Variants in DDX19B observed in about 807,000 individuals in gnomAD.
The protein encoded by DDX19B is DEAD-box helicase 19B.
Under a neutral mutation model 58.1 loss-of-function variants are expected in DDX19B, and 27 were observed. The observed-to-expected ratio is 0.46, with a 90% CI of 0.34 to 0.64. DDX19B has a LOEUF of 0.64. Among genes scored for constraint, DDX19B ranks in the 30% least tolerant of loss-of-function variants. DDX19B has a pLI of 0.01. For synonymous variants in DDX19B, 187 were observed against 214.4 expected, an observed-to-expected ratio of 0.87 and a Z score of 1.12; for missense variants, 399 against 596.5, an observed-to-expected ratio of 0.67 and a Z score of 3.45.
chr16:70,321,832 G>A (rs201622927), intron 5 of DDX19B, among the ~76,000 whole-genome samples: 6 of 151,812 alleles, frequency 4.0e-5, no homozygotes, highest in South Asian at 2.1e-4. Context: ...TCAGGAGTTC[G>A]AGACCAGGCT....
chr16:70,327,523 ACT>A (rs1416754914), intron 7 of DDX19B, among the ~76,000 whole-genome samples: 3 of 151,512 alleles, frequency 2.0e-5, no homozygotes, highest in African/African-American at 7.3e-5. Flanking sequence ...ATAGAGCAAG[ACT>A]CTGTCTCAAA....
upstream of DDX19B, chr16:70,298,973 G>A: frequency 2.6e-6 from 1 of 378,996 alleles, no homozygotes; most frequent in Admixed American, 4.5e-5. Context: ...CACTGTGTTG[G>A]GCGGGAATCT....
intron 9 of DDX19B, 146 bp from the exon 10 acceptor site, chr16:70,331,576 C>G: frequency 9.1e-7 from 1 of 1,099,396 alleles, no homozygotes; most frequent in Non-Finnish European, 1.3e-6. Context: ...TACTACCATG[C>G]TTCATTGAGA....
At chr16:70,306,911 A>G (rs1961786030) in intron 1 of DDX19B, among the ~76,000 whole-genome samples, 1 of 152,190 alleles carries the variant, frequency 6.6e-6, no homozygotes, top group Admixed American at 6.6e-5. Flanking sequence ...GCAATCACTA[A>G]TCTACTTTCT....
upstream of DDX19B, among the ~76,000 whole-genome samples, chr16:70,291,183 C>T (rs1329372807): frequency 6.6e-6 from 1 of 152,164 alleles, no homozygotes; most frequent in African/African-American, 2.4e-5. Context: ...TTAATCCTCA[C>T]AACCTTATCA....
chr16:70,322,588 C>CA (rs568610716), intron 5 of DDX19B, among the ~76,000 whole-genome samples: 8,969 of 44,856 alleles, frequency 0.2, 586 homozygotes, highest in Non-Finnish European at 0.24. Flanking sequence ...GACCTTGTCT[C>CA]AAAAAAAAAA....
At chr16:70,329,171 C>T (rs542494164) in intron 7 of DDX19B, 121 bp from the exon 8 acceptor site, 21 of 1,335,192 alleles carry the variant, frequency 1.6e-5, no homozygotes, top group Non-Finnish European at 1.8e-5. Context: ...TGCAGTGAGT[C>T]GAGATCATGC....
intron 1 of DDX19B, among the ~76,000 whole-genome samples, chr16:70,304,183 G>A (rs1235163426): frequency 1.3e-5 from 2 of 151,620 alleles, no homozygotes; most frequent in Admixed American, 6.6e-5. Context: ...TGGGATTACA[G>A]GCACCCACCA....
intron 7 of DDX19B, among the ~76,000 whole-genome samples, chr16:70,327,570 T>C (rs2152211767): frequency 6.6e-6 from 1 of 152,094 alleles, no homozygotes; most frequent in South Asian, 2.1e-4. Flanking sequence ...CAAATTTTTT[T>C]TTTTTTTGTA....
At position 70,331,897 on chromosome 16, in the gene DDX19B, C is replaced by G. The variant is rs754651532; in HGVS notation, c.1186+13C>G. The G allele has an allele frequency of 6.2e-6, 10 of 1,611,124 alleles. No individual in the cohort carries two copies. Among genetic ancestry groups the G allele is most frequent in the Non-Finnish European group, 8.5e-6 (10 of 1,178,426 alleles). On this transcript the variant is annotated intron_variant, in intron 10 of 11. Coordinates refer to ENST00000288071, the MANE Select transcript of DDX19B (RefSeq NM_007242.7). Reference sequence around the variant, plus strand: ...GTGTGTGCCCGCGGTGAGCAGAGGACGTGTCCCACCTGGTCTGCCAGGCTT... The same window carrying G: ...GTGTGTGCCCGCGGTGAGCAGAGGAGGTGTCCCACCTGGTCTGCCAGGCTT...
intron 2 of DDX19B, among the ~76,000 whole-genome samples, chr16:70,314,045 G>A (rs1962232521): frequency 6.6e-6 from 1 of 151,840 alleles, no homozygotes; most frequent in Non-Finnish European, 1.5e-5. Flanking sequence ...GGAGGCAGAG[G>A]TTGCAGTGAG....
chr16:70,297,940 A>C (rs1274058941), upstream of DDX19B, among the ~76,000 whole-genome samples: 3 of 152,186 alleles, frequency 2.0e-5, no homozygotes, highest in African/African-American at 7.2e-5. Context: ...GTTGTTTTCA[A>C]ACTCCTGGAT....
In DDX19B at chr16:70,315,978, C is replaced by T. The variant is rs1962378500; in HGVS notation, c.170C>T (p.Ala57Val). The change falls in exon 4 of 12, where the codon GCT becomes GTT. Residue 57 changes from alanine to valine, a missense_variant. Ala to Val is a moderately conservative substitution (Grantham distance 64). Coordinates refer to ENST00000288071, the MANE Select transcript of DDX19B (RefSeq NM_007242.7). ...TTCTTTTTCCTGACAGAGGACAGAG[C>T]TGCCCAGTCCTTACTCAACAAGCTG... Reference protein sequence around the residue: ...KTDEEEKEDRAAQSLLNKLIR... With the variant: ...KTDEEEKEDRVAQSLLNKLIR... 3 of 1,613,734 alleles carry T rather than the reference C, an allele frequency of 1.9e-6. No individual in the cohort carries two copies. The highest frequency in any genetic ancestry group is 2.5e-6 in the Non-Finnish European group (3 of 1,179,818).
intron 4 of DDX19B, among the ~76,000 whole-genome samples, chr16:70,316,439 A>G (rs570003655): frequency 4.7e-4 from 71 of 152,206 alleles, no homozygotes; most frequent in African/African-American, 1.6e-3. Flanking sequence ...TGATCTCCTG[A>G]ACTCATGATC....
upstream of DDX19B, among the ~76,000 whole-genome samples, chr16:70,293,139 C>T (rs959535799): frequency 2.0e-5 from 3 of 151,414 alleles, no homozygotes; most frequent in Non-Finnish European, 2.9e-5. Context: ...AGAAACAGGC[C>T]GGCGTGATGG....
chr16:70,291,055 C>T (rs1483698648), upstream of DDX19B, among the ~76,000 whole-genome samples: 2 of 152,208 alleles, frequency 1.3e-5, no homozygotes, highest in Non-Finnish European at 2.9e-5. Flanking sequence ...AGCCCAAAAG[C>T]CAGTAAAAAC....
intron 7 of DDX19B, among the ~76,000 whole-genome samples, chr16:70,328,062 G>T (rs1469168047): frequency 6.6e-6 from 1 of 151,764 alleles, no homozygotes; most frequent in Non-Finnish European, 1.5e-5. Flanking sequence ...GCTGAGGCAG[G>T]AGAATTGCTT....
intron 1 of DDX19B, among the ~76,000 whole-genome samples, chr16:70,306,568 T>G (rs1291671898): frequency 6.6e-6 from 1 of 152,192 alleles, no homozygotes; most frequent in African/African-American, 2.4e-5. Flanking sequence ...TAGAGTTATC[T>G]TTTGGATAGA....
At chr16:70,309,713 G>A (rs1278204184) in intron 1 of DDX19B, among the ~76,000 whole-genome samples, 1 of 151,110 alleles carries the variant, frequency 6.6e-6, no homozygotes, top group Non-Finnish European at 1.5e-5. Flanking sequence ...AGCTACTTGG[G>A]AGGCTGGGGT....
Sources: gnomAD v4.1 joint callset for allele counts (sites outside exome capture counted in the v4.1 genomes callset) on GRCh38, gnomAD v4.1.1 for gene constraint, MANE v1.5 for transcripts, NCBI Gene and HGNC (gene_info 2026-07-23, HGNC 2026-07-21) for gene names.